FMN2: variants seen among roughly 807,000 people sequenced by gnomAD.
FMN2 encodes formin 2, also known as formin-2.
In FMN2, 51 loss-of-function variants were observed where a neutral mutation model predicts 142.3. The ratio of observed to expected loss-of-function variants is 0.36; its 90% confidence interval spans 0.29 to 0.45. The LOEUF (loss-of-function observed/expected upper bound fraction) is 0.45. Among genes scored for constraint, FMN2 ranks in the 20% least tolerant of loss-of-function variants. The pLI, the probability that FMN2 is intolerant of heterozygous loss-of-function variation, is 1.00. For synonymous variants in FMN2, 882 were observed against 869.8 expected (o/e 1.01, Z -0.25); for missense variants, 1,936 against 2,122.8 (o/e 0.91, Z 1.73).
At position 240,093,202 on chromosome 1, in the gene FMN2, G is replaced by A; in HGVS notation, c.1093G>A (p.Glu365Lys). ...EDAPRGSPGE[E>K]WAPEVGEDAP... ...TGCGCCCCGGGGCTCTCCGGGGGAG[G>A]AGTGGGCCCCGGAGGTGGGAGAGGA... The change falls in exon 1 of 18, where the codon GAG becomes AAG. Residue 365 changes from glutamate to lysine, a missense_variant. This residue lies in a region of FMN2 where 751 missense variants were observed against 791.8 expected (regional missense o/e 0.95). Transcript: ENST00000319653. The A allele has an allele frequency of 6.7e-7, 1 of 1,493,040 alleles. No homozygotes were observed. The highest frequency in any genetic ancestry group is 1.3e-5 in the South Asian group (1 of 75,220). The allele number at this position is 1,493,040 out of a possible 1,614,324, so 92.5% of individuals were successfully genotyped here.
At chr1:240,133,855 A>G (rs1404859463) in intron 2 of FMN2, among the ~76,000 whole-genome samples, 1 of 152,212 alleles carries the variant, frequency 6.6e-6, no homozygotes, top group Non-Finnish European at 1.5e-5. Context: ...CTGAATGCAA[A>G]TTAAATATTG....
intron 8 of FMN2, among the ~76,000 whole-genome samples, chr1:240,315,365 A>C (rs943681004): frequency 1.3e-5 from 2 of 152,222 alleles, no homozygotes; most frequent in African/African-American, 4.8e-5. Context: ...TGATAGGGTC[A>C]TCAACCTTCC....
intron 16 of FMN2, among the ~76,000 whole-genome samples, chr1:240,462,535 C>A (rs1260142990): frequency 1.3e-5 from 2 of 152,162 alleles, no homozygotes; most frequent in Non-Finnish European, 2.9e-5. Context: ...AGGCAAAAAA[C>A]AAGTGATTTC....
intron 15 of FMN2, among the ~76,000 whole-genome samples, chr1:240,418,240 C>T (rs1389715978): frequency 6.7e-6 from 1 of 149,142 alleles, no homozygotes; most frequent in Non-Finnish European, 1.5e-5. Flanking sequence ...CACTCTGTCG[C>T]CCAGGCTGGA....
intron 16 of FMN2, among the ~76,000 whole-genome samples, chr1:240,469,757 C>T (rs1325419281): frequency 6.6e-6 from 1 of 152,196 alleles, no homozygotes. Flanking sequence ...TTATACGAAC[C>T]TGGGTGGTTG....
At chr1:240,200,033 T>C (rs1029024547) in intron 4 of FMN2, among the ~76,000 whole-genome samples, 7 of 152,208 alleles carry the variant, frequency 4.6e-5, no homozygotes, top group Non-Finnish European at 8.8e-5. Context: ...ATCTCTTCAT[T>C]GTCAAGTCCT....
intron 16 of FMN2, among the ~76,000 whole-genome samples, chr1:240,442,029 A>G (rs899008134): frequency 5.3e-5 from 8 of 152,174 alleles, no homozygotes; most frequent in Admixed American, 2.6e-4. Flanking sequence ...GGAAGTCCTG[A>G]ATGCAGAATT....
At chr1:240,426,384 T>C (rs1034889017) in intron 15 of FMN2, among the ~76,000 whole-genome samples, 12 of 152,158 alleles carry the variant, frequency 7.9e-5, no homozygotes, top group African/African-American at 2.9e-4. Context: ...CCAGTAGAAG[T>C]CTTTAAAGCA....
chr1:240,318,229 C>CACT (rs1373595682), intron 8 of FMN2, among the ~76,000 whole-genome samples: 1 of 152,096 alleles, frequency 6.6e-6, no homozygotes, highest in Non-Finnish European at 1.5e-5. Context: ...GCCTCATACC[C>CACT]ACTTGCTCCA....
chr1:240,095,659 G>A lies in FMN2; in HGVS notation c.1615+1935G>A, dbSNP rs72764319. On this transcript the variant is annotated intron_variant, in intron 1 of 17. Transcript: ENST00000319653. ...ATCTGCTTGGTGGCAAGGGGTGAGGGAAGAGGACTTGAGAGAGGAGGATTG... is the reference window on the plus strand; with the variant it reads ...ATCTGCTTGGTGGCAAGGGGTGAGGAAAGAGGACTTGAGAGAGGAGGATTG... Among the ~76,000 whole-genome samples, 820 of 152,122 alleles carry A rather than the reference G, an allele frequency of 5.4e-3. 2 individuals carry two copies. The highest frequency in any genetic ancestry group is 0.01 in the Middle Eastern group (3 of 294).
intron 2 of FMN2, chr1:240,145,420 G>C (rs1663404952): frequency 2.4e-6 from 1 of 410,138 alleles, no homozygotes; most frequent in Non-Finnish European, 4.3e-6. Context: ...TGGATACATA[G>C]TAATATATAT....
At chr1:240,400,375 C>T (rs1673935881) in intron 15 of FMN2, among the ~76,000 whole-genome samples, 1 of 152,174 alleles carries the variant, frequency 6.6e-6, no homozygotes, top group African/African-American at 2.4e-5. Flanking sequence ...ATATGTAACC[C>T]AGGGGCAACT....
At chr1:240,114,029 G>A (rs1195538364) in intron 1 of FMN2, among the ~76,000 whole-genome samples, 1 of 152,114 alleles carries the variant, frequency 6.6e-6, no homozygotes, top group Admixed American at 6.5e-5. Context: ...CACACTCAGA[G>A]AATTACAATG....
chr1:240,161,269 G>A (rs915903349), intron 2 of FMN2, among the ~76,000 whole-genome samples: 1 of 152,086 alleles, frequency 6.6e-6, no homozygotes, highest in Non-Finnish European at 1.5e-5. Context: ...TAAGGAAGAT[G>A]ATCTTTAAAA....
chr1:240,373,976 C>T (rs1356247094), intron 14 of FMN2, among the ~76,000 whole-genome samples: 3 of 152,142 alleles, frequency 2.0e-5, no homozygotes, highest in Non-Finnish European at 2.9e-5. Flanking sequence ...GTTAAAATGA[C>T]CCCTTGATCT....
intron 1 of FMN2, among the ~76,000 whole-genome samples, chr1:240,118,492 T>C (rs10926128): frequency 0.65 from 98,530 of 151,946 alleles, 32,753 homozygotes; most frequent in African/African-American, 0.8. Flanking sequence ...CTCCCCCACC[T>C]GGGACCCCCC....
chr1:240,261,160 T>C (rs1050805599), intron 7 of FMN2, among the ~76,000 whole-genome samples: 2 of 152,188 alleles, frequency 1.3e-5, no homozygotes, highest in Admixed American at 6.5e-5. Context: ...TATGGCCTTA[T>C]AGTATAGTTT....
chr1:240,123,214 G>A lies in FMN2; in HGVS notation c.1651G>A (p.Glu551Lys), dbSNP rs370593818. The change falls in exon 2 of 18, where the codon GAG becomes AAG. Residue 551 changes from glutamate to lysine, a missense_variant. Coordinates refer to ENST00000319653, the MANE Select transcript of FMN2 (RefSeq NM_020066.5). The part of the protein sequence containing the change: ...TLLEKLFSQQ[E>K]NGPPEEAEKF... ...GTTGGAGAAGCTGTTCAGCCAGCAG[G>A]AGAACGGGCCTCCAGAAGAAGCAGA... 6.2e-7 allele frequency: 1 copy of A among 1,614,054 alleles called. No homozygotes were observed. The highest frequency in any genetic ancestry group is 1.3e-5 in the African/African-American group (1 of 74,922).
rs76483681 is a variant in FMN2 at position 240,312,870 on chromosome 1, C to A, written c.4216-16206C>A. Among the ~76,000 whole-genome samples, 1,167 of 152,294 alleles carry A rather than the reference C, an allele frequency of 7.7e-3. 14 individuals carry two copies. The highest frequency in any genetic ancestry group is 0.027 in the African/African-American group (1,129 of 41,572). On this transcript the variant is annotated intron_variant, in intron 8 of 17. Transcript: ENST00000319653. ...ACTGATCAGATCGCTGCCCTACACA[C>A]TTTACCTCCACACTTATCAATTTGC...
Sources: allele counts gnomAD v4.1 joint callset (sites outside exome capture counted in the v4.1 genomes callset), GRCh38; gene constraint gnomAD v4.1.1; regional missense constraint gnomAD v4.1.1; transcripts MANE v1.5; gene names NCBI Gene and HGNC (gene_info 2026-07-23, HGNC 2026-07-21).